The following ST8SIA5 variants were observed in gnomAD, a reference collection of about 807,000 sequenced individuals.
ST8SIA5 encodes the protein ST8 alpha-N-acetyl-neuraminide alpha-2,8-sialyltransferase 5, also known as alpha-2,8-sialyltransferase 8E.
ST8SIA5 carries 24 observed loss-of-function variants against 40.2 expected under a neutral mutation model. The ratio of observed to expected loss-of-function variants is 0.60; its 90% CI spans 0.43 to 0.84. The LOEUF is 0.84. ST8SIA5 is among the 40% of genes least tolerant of loss of function. The probability of loss-of-function intolerance (pLI) is 0.00; values close to 1 mark genes in which losing one functional copy is unlikely to be tolerated. For synonymous variants in ST8SIA5, 198 were observed against 201.8 expected (o/e 0.98, Z 0.16); for missense variants, 465 against 498.5 (o/e 0.93, Z 0.64).
At chr18:46,695,243 T>C (rs1229790227) in intron 2 of ST8SIA5, among the ~76,000 whole-genome samples, 2 of 151,926 alleles carry the variant, frequency 1.3e-5, no homozygotes, top group Non-Finnish European at 2.9e-5. Context: ...GTGGTAACAG[T>C]TGTCCTCAAA....
intron 4 of ST8SIA5, among the ~76,000 whole-genome samples, chr18:46,688,238 C>T (rs1374034426): frequency 6.6e-6 from 1 of 151,960 alleles, no homozygotes; most frequent in Non-Finnish European, 1.5e-5. Context: ...TTGATTAAGA[C>T]TCTGATATTT....
intron 2 of ST8SIA5, among the ~76,000 whole-genome samples, chr18:46,704,248 G>A (rs1042329519): frequency 4.6e-5 from 7 of 152,174 alleles, no homozygotes; most frequent in African/African-American, 1.7e-4. Flanking sequence ...AAACAGTCCT[G>A]TGCCCTCTTC....
chr18:46,753,600 A>G (rs1243194321), intron 1 of ST8SIA5, among the ~76,000 whole-genome samples: 1 of 151,872 alleles, frequency 6.6e-6, no homozygotes, highest in Admixed American at 6.6e-5. Flanking sequence ...AAAGAAAAAG[A>G]AAAAAGAGCA....
intron 1 of ST8SIA5, among the ~76,000 whole-genome samples, chr18:46,710,796 T>C (rs1197395005): frequency 1.3e-5 from 2 of 152,030 alleles, no homozygotes; most frequent in Non-Finnish European, 2.9e-5. Flanking sequence ...CAGGGCCATG[T>C]TTCCTTTCTT....
At chr18:46,682,278 C>T (rs1053640773) in intron 5 of ST8SIA5, among the ~76,000 whole-genome samples, 6 of 152,222 alleles carry the variant, frequency 3.9e-5, no homozygotes. Context: ...AAGTTCCAGA[C>T]ACATGGGGCA....
chr18:46,704,976 GGGA>G (rs1297034165), intron 1 of ST8SIA5, among the ~76,000 whole-genome samples: 1 of 152,232 alleles, frequency 6.6e-6, no homozygotes, highest in African/African-American at 2.4e-5. Context: ...GGAAGGAGAG[GGGA>G]GGAGGAGGGA....
intron 5 of ST8SIA5, among the ~76,000 whole-genome samples, chr18:46,685,146 G>C (rs888671906): frequency 4.6e-5 from 7 of 152,296 alleles, no homozygotes; most frequent in African/African-American, 1.4e-4. Flanking sequence ...GCCCAGAAGG[G>C]GGACATGACA....
intron 1 of ST8SIA5, among the ~76,000 whole-genome samples, chr18:46,712,732 C>A (rs563422086): frequency 1.8e-4 from 28 of 152,256 alleles, no homozygotes; most frequent in South Asian, 6.2e-4. Context: ...CCAGGATGCA[C>A]TGATGAACTG....
intron 1 of ST8SIA5, among the ~76,000 whole-genome samples, chr18:46,717,357 C>T (rs539957853): frequency 1.4e-4 from 21 of 151,932 alleles, no homozygotes; most frequent in African/African-American, 3.1e-4. Flanking sequence ...TTTTTTTAGA[C>T]GGAGTTTTGC....
intron 1 of ST8SIA5, among the ~76,000 whole-genome samples, chr18:46,719,682 T>TCTTTCTTTCTTTCTTTC: frequency 9.3e-6 from 1 of 107,162 alleles, no homozygotes; most frequent in Admixed American, 1.1e-4. Flanking sequence ...TTCTTTTCTT[T>TCTTTCTTTCTTTCTTTC]TTTCTTTCTT....
chr18:46,710,363 T>TTC (rs2039711785), intron 1 of ST8SIA5, among the ~76,000 whole-genome samples: 3 of 114,390 alleles, frequency 2.6e-5, no homozygotes, highest in Admixed American at 8.5e-5. Flanking sequence ...TCCTTCTTTC[T>TTC]TTTCTTTCTT....
intron 1 of ST8SIA5, among the ~76,000 whole-genome samples, chr18:46,710,401 TTCTTTCTTTCTTTCTTTTTCTTTCTCTC>T (rs2039715428): frequency 2.5e-5 from 3 of 119,026 alleles, no homozygotes; most frequent in African/African-American, 1.0e-4. Context: ...CTTTCTTTCT[TTCTTTCTTTCTTTCTTTTTCTTTCTCTC>T]TCTTTCTTTT....
intron 6 of ST8SIA5, among the ~76,000 whole-genome samples, chr18:46,681,088 T>C (rs2039390696): frequency 6.6e-6 from 1 of 152,212 alleles, no homozygotes; most frequent in East Asian, 1.9e-4. Context: ...CCCCCCACCT[T>C]AGCCTTCTGA....
intron 1 of ST8SIA5, among the ~76,000 whole-genome samples, chr18:46,723,550 TTGAATGAATGAA>T (rs1209061554): frequency 6.6e-6 from 1 of 151,942 alleles, no homozygotes; most frequent in Admixed American, 6.6e-5. Flanking sequence ...AGACCCTGTC[TTGAATGAATGAA>T]TGAATGGATA....
intron 1 of ST8SIA5, among the ~76,000 whole-genome samples, chr18:46,708,527 T>G (rs56154750): frequency 0.28 from 41,919 of 151,992 alleles, 6,597 homozygotes; most frequent in Middle Eastern, 0.41. Context: ...CACCTTTCAT[T>G]TGCAAACCAA....
intron 1 of ST8SIA5, chr18:46,721,319 G>T: frequency 1.3e-5 from 20 of 1,522,416 alleles, no homozygotes; most frequent in Non-Finnish European, 1.8e-5. Flanking sequence ...GCCACCCCGG[G>T]TTGAGCTTCC....
At chr18:46,702,623 G>A (rs2039629792) in intron 2 of ST8SIA5, among the ~76,000 whole-genome samples, 1 of 152,164 alleles carries the variant, frequency 6.6e-6, no homozygotes, top group Admixed American at 6.5e-5. Flanking sequence ...GAGTCCTCCT[G>A]GCCTAGTTAA....
At position 46,679,914 on chromosome 18, in the gene ST8SIA5, C is replaced by A; in HGVS notation, c.*128G>T. ...CCTACCCCAGGATCCAAGTACAGAGCTGAACAATGGAGGGAGAGACAGCCT... is the reference window on the plus strand; with the variant it reads ...CCTACCCCAGGATCCAAGTACAGAGATGAACAATGGAGGGAGAGACAGCCT... On this transcript the variant is annotated 3_prime_UTR_variant, in exon 7 of 7. Transcript: ENST00000315087. 1.1e-6 allele frequency: 1 copy of A among 916,628 alleles called. No homozygotes were observed. Among genetic ancestry groups the A allele is most frequent in the South Asian group, 1.7e-5 (1 of 57,756 alleles). 56.8% of individuals were successfully genotyped at this position (916,628 alleles called of 1,614,324 possible). A position where few individuals can be genotyped will look rare whatever the true frequency, so the allele number is the denominator to read the frequency against.
At chr18:46,694,003 C>T (rs117605256) in intron 2 of ST8SIA5, among the ~76,000 whole-genome samples, 1 of 152,308 alleles carries the variant, frequency 6.6e-6, no homozygotes, top group East Asian at 1.9e-4. Context: ...GCGGGTGATT[C>T]TCCTATTCTA....
Sources: gnomAD v4.1 joint callset for allele counts (sites outside exome capture counted in the v4.1 genomes callset) on GRCh38, gnomAD v4.1.1 for gene constraint, MANE v1.5 for transcripts, NCBI Gene and HGNC (gene_info 2026-07-23, HGNC 2026-07-21) for gene names.